Variants in IRAG2 observed in about 807,000 individuals in gnomAD.
The protein encoded by IRAG2 is inositol 1,4,5-triphosphate receptor associated 2, also known as lymphoid restricted membrane protein.
In IRAG2, 45 loss-of-function variants were observed where a neutral mutation model predicts 69.9. The observed-to-expected ratio is 0.64, with a 90% confidence interval of 0.51 to 0.83. IRAG2 has a LOEUF of 0.83. Among genes scored for constraint, IRAG2 ranks in the 40% least tolerant of loss-of-function variants. IRAG2 has a pLI of 0.00. For synonymous variants in IRAG2, 193 were observed against 202.4 expected, an observed-to-expected ratio of 0.95 and a Z score of 0.40; for missense variants, 520 against 587.0, an observed-to-expected ratio of 0.89 and a Z score of 1.18.
chr12:25,052,204 CTTTTT>C (rs10690368), upstream of IRAG2: 283 of 276,446 alleles, frequency 1.0e-3, no homozygotes, highest in East Asian at 1.6e-3. Flanking sequence ...GCGGTTTGGA[CTTTTT>C]TTTTTTTTTT....
intron 14 of IRAG2, among the ~76,000 whole-genome samples, chr12:25,095,048 T>C (rs1240293413): frequency 6.6e-6 from 1 of 152,134 alleles, no homozygotes; most frequent in Admixed American, 6.5e-5. Flanking sequence ...CCTTTCTGAT[T>C]TGGATAACTT....
chr12:25,082,353 C>A (rs973739108), intron 9 of IRAG2, among the ~76,000 whole-genome samples: 4 of 152,008 alleles, frequency 2.6e-5, no homozygotes, highest in Non-Finnish European at 4.4e-5. Flanking sequence ...AATTCCAGCA[C>A]TTTGGGAGGC....
chr12:25,015,087 T>TG lies in IRAG2; in HGVS notation c.897-94dup, dbSNP rs1323100733. 1.6e-4 allele frequency: 26 copies of TG among 161,730 alleles called. No individual in the cohort carries two copies. The African/African-American group carries it at 2.5e-3, about 16-fold the overall frequency. 10.0% of individuals were successfully genotyped at this position (161,730 alleles called of 1,614,324 possible). ...AAAAGGAAAGTACAGAGCATAAATC[T>TG]GAAAAAAAAAAAAAAAAAAAAAAAA... On this transcript the variant is annotated intron_variant, in intron 3 of 38. Transcript: ENST00000636465.
chr12:25,052,865 A>G lies in IRAG2; in HGVS notation c.-538A>G. ...CGTCTTTACTGCATAAATTAGAGGA[A>G]GCAATTTCGGAACAACGGAACCTTC... On this transcript the variant is annotated 5_prime_UTR_variant, in exon 1 of 22. Transcript: ENST00000556887. 2.5e-6 allele frequency: 1 copy of G among 398,622 alleles called. No homozygotes were observed. Among genetic ancestry groups the G allele is most frequent in the Non-Finnish European group, 4.4e-6 (1 of 226,050 alleles). 24.7% of individuals were successfully genotyped at this position (398,622 alleles called of 1,614,324 possible).
chr12:25,077,299 A>AATATATATATAAT (rs1266747085), intron 6 of IRAG2, among the ~76,000 whole-genome samples: 1 of 39,528 alleles, frequency 2.5e-5, no homozygotes. Flanking sequence ...ATATATATGA[A>AATATATATATAAT]ATATATATGA....
At chr12:25,004,473 C>T in exon 1 of IRAG2, 2 of 1,232,074 alleles carry the variant, frequency 1.6e-6, no homozygotes, top group Middle Eastern at 3.1e-4. Context: ...ACCAATCTAG[C>T]AGTTTTGATA....
chr12:25,037,599 A>G (rs1404058694), intron 15 of IRAG2, among the ~76,000 whole-genome samples: 2 of 152,184 alleles, frequency 1.3e-5, no homozygotes, highest in African/African-American at 4.8e-5. Flanking sequence ...TTTTAAGATT[A>G]CATGTGAATA....
intron 9 of IRAG2, among the ~76,000 whole-genome samples, chr12:25,080,312 TAA>T (rs111646546): frequency 6.7e-6 from 1 of 149,148 alleles, no homozygotes; most frequent in African/African-American, 2.5e-5. Flanking sequence ...CTAATTCCCA[TAA>T]AAAAAAATCA....
intron 10 of IRAG2, among the ~76,000 whole-genome samples, chr12:25,087,063 G>A (rs1947659819): frequency 6.7e-6 from 1 of 148,978 alleles, no homozygotes; most frequent in Non-Finnish European, 1.5e-5. Context: ...CATCTATCCA[G>A]TCCTACCTCT....
At chr12:25,084,244 G>T (rs1003816199) in intron 10 of IRAG2, among the ~76,000 whole-genome samples, 1 of 152,078 alleles carries the variant, frequency 6.6e-6, no homozygotes, top group African/African-American at 2.4e-5. Flanking sequence ...AAACAAATCT[G>T]CCGGGTATGG....
intron 10 of IRAG2, chr12:25,030,421 C>G (rs1320082918): frequency 2.0e-6 from 2 of 978,276 alleles, no homozygotes; most frequent in East Asian, 3.3e-5. Context: ...GAGTCTTGCT[C>G]TGTTGCCCAG....
At chr12:25,039,624 G>A (rs1205447019) in intron 16 of IRAG2, among the ~76,000 whole-genome samples, 2 of 152,156 alleles carry the variant, frequency 1.3e-5, no homozygotes, top group East Asian at 3.8e-4. Flanking sequence ...TAGAGACGGG[G>A]TTTCACCATG....
chr12:25,072,271 T>A (rs1214026314), intron 6 of IRAG2, among the ~76,000 whole-genome samples: 5 of 152,178 alleles, frequency 3.3e-5, no homozygotes, highest in Non-Finnish European at 5.9e-5. Flanking sequence ...CAATCGAGCC[T>A]CCAGTCACAT....
At position 25,040,515 on chromosome 12, in the gene IRAG2, A is replaced by AAG. The variant is rs942643713; in HGVS notation, c.2144+2394_2144+2395dup. Among the ~76,000 whole-genome samples the AAG allele has an allele frequency of 2.9e-3, 447 of 151,760 alleles. 10 individuals are homozygous for AAG. The highest frequency in any genetic ancestry group is 9.1e-3 in the East Asian group (47 of 5,186). On this transcript the variant is annotated intron_variant, in intron 16 of 38. Transcript: ENST00000636465. The stretch of plus-strand genomic sequence containing the variant: ...AGCAAGACACTGCCTCTTAAAAAAA[A>AAG]AGAGAGAGAGAGAGAGAAAAGAAAA...
At chr12:25,050,918 TAAAA>T (rs1944854504), upstream of IRAG2, among the ~76,000 whole-genome samples, 1 of 152,120 alleles carries the variant, frequency 6.6e-6, no homozygotes, top group East Asian at 1.9e-4. Context: ...CTGAGGTATC[TAAAA>T]TAGTTAAACT....
intron 10 of IRAG2, among the ~76,000 whole-genome samples, chr12:25,086,563 A>G (rs1158526311): frequency 6.6e-6 from 1 of 152,176 alleles, no homozygotes; most frequent in Admixed American, 6.5e-5. Context: ...GAGATTTCCC[A>G]AGGACTGTGG....
chr12:25,027,554 C>T (rs1410794198), intron 9 of IRAG2, among the ~76,000 whole-genome samples: 1 of 151,670 alleles, frequency 6.6e-6, no homozygotes, highest in African/African-American at 2.4e-5. Context: ...GCCACCACAC[C>T]CAGCTAATTT....
At chr12:25,068,912 T>G (rs1020102280) in intron 5 of IRAG2, among the ~76,000 whole-genome samples, 6 of 152,222 alleles carry the variant, frequency 3.9e-5, no homozygotes, top group Admixed American at 3.3e-4. Context: ...TTTCTGTTTC[T>G]TTCACACTCA....
At chr12:25,017,212 T>G (rs1944536681) in exon 6 of IRAG2, 1 of 1,231,998 alleles carries the variant, frequency 8.1e-7, no homozygotes, top group Admixed American at 4.2e-5. Context: ...ATAATAAGTT[T>G]AAGTTGGCTT....
Sources: gnomAD v4.1 joint callset for allele counts (sites outside exome capture counted in the v4.1 genomes callset) on GRCh38, gnomAD v4.1.1 for gene constraint, MANE v1.5 for transcripts, NCBI Gene and HGNC (gene_info 2026-07-23, HGNC 2026-07-21) for gene names.